Variants in CCDC187 observed in about 807,000 individuals in gnomAD.
The protein encoded by CCDC187 is coiled-coil domain-containing protein 187.
Under a neutral mutation model 38.0 loss-of-function variants are expected in CCDC187, and 32 were observed. The ratio of observed to expected loss-of-function variants is 0.84; its 90% confidence interval spans 0.64 to 1.13. The LOEUF is 1.13. Among genes scored for constraint, CCDC187 ranks in the 50% most tolerant of loss-of-function variants. The pLI, the probability that CCDC187 is intolerant of heterozygous loss-of-function variation, is 0.00. For synonymous variants in CCDC187, 333 were observed against 347.9 expected (o/e 0.96, Z 0.48); for missense variants, 707 against 786.8 (o/e 0.90, Z 1.21).
At chr9:136,298,973 A>T (rs1831604152) in intron 3 of CCDC187, among the ~76,000 whole-genome samples, 1 of 152,126 alleles carries the variant, frequency 6.6e-6, no homozygotes, top group Admixed American at 6.5e-5. Flanking sequence ...TCGGAGCGTG[A>T]AAACGAGGCT....
At chr9:136,261,770 G>A (rs962729630) in intron 19 of CCDC187, among the ~76,000 whole-genome samples, 5 of 152,216 alleles carry the variant, frequency 3.3e-5, no homozygotes, top group South Asian at 4.1e-4. Flanking sequence ...CCGGGTCTGC[G>A]CTGCCCCCCG....
intron 16 of CCDC187, chr9:136,266,594 A>G (rs1830751954): frequency 1.3e-5 from 2 of 152,206 alleles, no homozygotes; most frequent in African/African-American, 4.8e-5. Context: ...GTTGGAGACA[A>G]CCTAGAGGCC....
chr9:136,303,036 C>T lies in CCDC187; in HGVS notation c.401G>A (p.Arg134Lys), dbSNP rs1831725438. ...CTGGGGCCCCAACACCTGGGGTGGCCTCTCCTTCCAAGACACACACACGTC... is the reference window on the plus strand; with the variant it reads ...CTGGGGCCCCAACACCTGGGGTGGCTTCTCCTTCCAAGACACACACACGTC... ...GHDVCVSWKE[R>K]PPQVLGPQQR... The change falls in exon 2 of 26, where the codon AGG (arginine) becomes AAG (lysine). Residue 134 changes from arginine (R) to lysine (K), a missense_variant. Transcript: ENST00000638797. 2 of 398,578 alleles carry T rather than the reference C, an allele frequency of 5.0e-6. No homozygotes were observed. The highest frequency in any genetic ancestry group is 2.1e-5 in the African/African-American group (1 of 48,618). 24.7% of individuals were successfully genotyped at this position (398,578 alleles called of 1,614,324 possible). A position where few individuals can be genotyped will look rare whatever the true frequency, so the allele number is the denominator to read the frequency against.
Position 136,254,763 on chromosome 9 carries a change from C to T in CCDC187, c.5065G>A (p.Glu1689Lys). Residue 1689 changes from glutamate (E) to lysine (K), a missense_variant, in exon 26 of 26, where the codon GAG becomes AAG. By Grantham distance (56) the Glu-to-Lys change is moderately conservative. Transcript: ENST00000638797. The stretch of plus-strand genomic sequence containing the variant: ...CCAGGAGCACTGCCTGGCCGAGGCT[C>T]ACCCTGGTTTGACCGCCAGGACAAA... ...LPLSWRSNQG[E>K]PRPGSAPGGG... is the part of the protein sequence containing the mutation. 3.0e-6 allele frequency: 3 copies of T among 985,574 alleles called. No individual in the cohort carries two copies. Among genetic ancestry groups the T allele is most frequent in the Non-Finnish European group, 3.6e-6 (3 of 830,018 alleles). The allele number at this position is 985,574 out of a possible 1,614,324, so 61.1% of individuals were successfully genotyped here.
Position 136,254,485 on chromosome 9 carries a change from C to A in CCDC187, c.5343G>T (p.Ser1781=). 2.0e-6 allele frequency: 2 copies of A among 985,504 alleles called. No homozygotes were observed. The highest frequency in any genetic ancestry group is 2.4e-6 in the Non-Finnish European group (2 of 829,996). The allele number at this position is 985,504 out of a possible 1,614,324, so 61.0% of individuals were successfully genotyped here. A position where few individuals can be genotyped will look rare whatever the true frequency, so the allele number is the denominator to read the frequency against. ...PEPCTGAKPA[S]GSSLPAGGSL... ...AGCCACCTGCAGGCAGGGAGCTCCC[C>A]GAGGCTGGCTTGGCCCCGGTACAGG... The change falls in exon 26 of 26, where the codon TCG becomes TCT. Residue 1781 remains serine, a synonymous_variant. Transcript: ENST00000638797.
Position 136,274,920 on chromosome 9 carries a change from T to A in CCDC187, c.3313A>T (p.Thr1105Ser), listed in dbSNP as rs1251669582. The A allele has an allele frequency of 1.3e-5, 2 of 152,302 alleles. No homozygotes were observed. The highest frequency in any genetic ancestry group is 4.8e-5 in the African/African-American group (2 of 41,448). The allele number at this position is 152,302 out of a possible 1,614,324, so 9.4% of individuals were successfully genotyped here. A position where few individuals can be genotyped will look rare whatever the true frequency, so the allele number is the denominator to read the frequency against. The change falls in exon 13 of 26, where the codon ACC (threonine) becomes TCC (serine). Residue 1105 changes from threonine to serine, a missense_variant. By Grantham distance (58) the Thr-to-Ser change is moderately conservative. Transcript: ENST00000638797. ...QPPMCKDREP[T>S]TASQSTGMAT... ...ATCCCTGTGCTCTGAGAGGCTGTGGTCGGCTCTCGGTCCTTGCACATCGGA... is the reference window on the plus strand; with the variant it reads ...ATCCCTGTGCTCTGAGAGGCTGTGGACGGCTCTCGGTCCTTGCACATCGGA...
intron 22 of CCDC187, 80 bp from the exon 23 acceptor site, chr9:136,256,921 A>G (rs1383679041): frequency 6.6e-6 from 1 of 152,446 alleles, no homozygotes; most frequent in East Asian, 1.9e-4. Flanking sequence ...CCGAAGCCAC[A>G]TAAAACAAAT....
chr9:136,258,009 G>A lies in CCDC187; in HGVS notation c.4366+923C>T, dbSNP rs1228687645. Among the ~76,000 whole-genome samples, 1 of 152,212 alleles carries A rather than the reference G, an allele frequency of 6.6e-6. No homozygotes were observed. The highest frequency in any genetic ancestry group is 2.4e-5 in the African/African-American group (1 of 41,460). ...ACGAGGACCCATGGTGGGTGCAGGCGCCTGGCTGGCCCCCCGAACGGTGAC... is the reference window on the plus strand; with the variant it reads ...ACGAGGACCCATGGTGGGTGCAGGCACCTGGCTGGCCCCCCGAACGGTGAC... On this transcript the variant is annotated intron_variant, in intron 22 of 25. Coordinates refer to ENST00000638797, the MANE Select transcript of CCDC187 (RefSeq NM_001378188.1). This position sits in a 1 kb window ranked among gnomAD's most constrained non-coding sequence, Gnocchi z 4.3.
chr9:136,300,194 A>AG, intron 3 of CCDC187, 26 bp downstream of exon 3: 1 of 398,594 alleles, frequency 2.5e-6, no homozygotes, highest in Non-Finnish European at 4.4e-6. Flanking sequence ...CCGGAGCACC[A>AG]GGGCAGCCGC....
intron 12 of CCDC187, among the ~76,000 whole-genome samples, chr9:136,275,633 C>T (rs1008379186): frequency 6.6e-6 from 1 of 152,214 alleles, no homozygotes; most frequent in Admixed American, 6.5e-5. Context: ...AGCCAGGTCA[C>T]AGCCGTCAGC....
rs1474991028 is a variant in CCDC187 at position 136,253,656 on chromosome 9, A to G, written c.6172T>C (p.Ser2058Pro). The G allele has an allele frequency of 2.0e-6, 2 of 985,404 alleles. No individual in the cohort carries two copies. The highest frequency in any genetic ancestry group is 2.4e-6 in the Non-Finnish European group (2 of 829,990). The allele number at this position is 985,404 out of a possible 1,614,324, so 61.0% of individuals were successfully genotyped here. The change falls in exon 26 of 26, where the codon TCT becomes CCT. Residue 2058 changes from serine to proline, a missense_variant. Physicochemically the swap from Ser to Pro is moderately conservative, Grantham distance 74. Transcript: ENST00000638797. ...AITTQDLSSLSEESLPEGLFP... is the reference protein window; with the variant it reads ...AITTQDLSSLPEESLPEGLFP... ...AGTCCCTCCGGCAGACTCTCCTCAG[A>G]CAAGGAGGACAAATCCTGGGTGGTG...
chr9:136,290,997 G>A lies in CCDC187; in HGVS notation c.1616C>T (p.Pro539Leu). 2 of 398,684 alleles carry A rather than the reference G, an allele frequency of 5.0e-6. No homozygotes were observed. The highest frequency in any genetic ancestry group is 7.1e-5 in the East Asian group (2 of 28,072). The allele number at this position is 398,684 out of a possible 1,614,324, so 24.7% of individuals were successfully genotyped here. A position where few individuals can be genotyped will look rare whatever the true frequency, so the allele number is the denominator to read the frequency against. Residue 539 changes from proline to leucine, a missense_variant, in exon 6 of 26, where the codon CCC becomes CTC. By Grantham distance (98) the Pro-to-Leu change is moderately conservative. Coordinates refer to ENST00000638797, the MANE Select transcript of CCDC187 (RefSeq NM_001378188.1). ...QQPWSAVATQPCPRRAWTACE... is the reference protein window; with the variant it reads ...QQPWSAVATQLCPRRAWTACE... The stretch of plus-strand genomic sequence containing the variant: ...GGCAGTCCAGGCCCTCCGTGGACAG[G>A]GCTGTGTGGCTACAGCACTCCAGGG...
intron 18 of CCDC187, among the ~76,000 whole-genome samples, chr9:136,263,057 C>G (rs1830697769): frequency 6.6e-6 from 1 of 151,996 alleles, no homozygotes; most frequent in African/African-American, 2.4e-5. Flanking sequence ...ATGAGATCCC[C>G]AGTCCTGCTT....
chr9:136,293,133 A>AT (rs1192290790), intron 4 of CCDC187, among the ~76,000 whole-genome samples: 1 of 147,854 alleles, frequency 6.8e-6, no homozygotes, highest in African/African-American at 2.6e-5. Context: ...AAACACTCAC[A>AT]TGCTCACACA....
intron 10 of CCDC187, among the ~76,000 whole-genome samples, chr9:136,278,756 C>T (rs1177699815): frequency 1.3e-5 from 2 of 152,226 alleles, no homozygotes; most frequent in African/African-American, 4.8e-5. Context: ...GCCCTGCTGT[C>T]CAACATGGCG....
intron 15 of CCDC187, 71 bp from the exon 16 acceptor site, chr9:136,267,582 T>C: frequency 1.0e-6 from 1 of 985,476 alleles, no homozygotes; most frequent in South Asian, 4.7e-5. Context: ...GGGGCTCCAG[T>C]AGGGTGGGCC....
rs1018725222 is a variant in CCDC187 at position 136,285,619 on chromosome 9, G to A, written c.2834-13C>T. 7.5e-6 allele frequency: 3 copies of A among 400,058 alleles called. No individual in the cohort carries two copies. The highest frequency in any genetic ancestry group is 6.2e-5 in the African/African-American group (3 of 48,636). The allele number at this position is 400,058 out of a possible 1,614,324, so 24.8% of individuals were successfully genotyped here. A position where few individuals can be genotyped will look rare whatever the true frequency, so the allele number is the denominator to read the frequency against. ...TCCTCTGGAAAACCTTGGAGAAGAG[G>A]GCACCTGGCTTCACTCCCTGGTCAG... On this transcript the variant is annotated splice_polypyrimidine_tract_variant and intron_variant, in intron 8 of 25. Transcript: ENST00000638797.
At chr9:136,283,230 C>T (rs2131260500) in intron 9 of CCDC187, among the ~76,000 whole-genome samples, 1 of 152,322 alleles carries the variant, frequency 6.6e-6, no homozygotes, top group South Asian at 2.1e-4. Context: ...GCCTCGGCGA[C>T]AGAGCAAGAC....
Position 136,293,553 on chromosome 9 carries a change from TCA to T in CCDC187, c.833-1260_833-1259del, listed in dbSNP as rs1160986020. Among the ~76,000 whole-genome samples the T allele has an allele frequency of 2.7e-3, 405 of 149,240 alleles. 6 individuals carry two copies. Among genetic ancestry groups the T allele is most frequent in the African/African-American group, 9.4e-3 (376 of 40,142 alleles). On this transcript the variant is annotated intron_variant, in intron 4 of 25. Transcript: ENST00000638797. ...CGCTTACACACTCACACTGACATGC[TCA>T]CACACTGTCACACACGTGCCCACAA...
Sources: gnomAD v4.1 joint callset for allele counts (sites outside exome capture counted in the v4.1 genomes callset) on GRCh38, gnomAD v4.1.1 for gene constraint, Gnocchi (gnomAD v3.1) non-coding constraint, MANE v1.5 for transcripts, NCBI Gene and HGNC (gene_info 2026-07-23, HGNC 2026-07-21) for gene names.